PRKACB: variants seen among roughly 807,000 people sequenced by gnomAD.
PRKACB encodes protein kinase cAMP-activated catalytic subunit beta, also known as cAMP-dependent protein kinase catalytic subunit beta.
PRKACB carries 16 observed loss-of-function variants against 51.4 expected under a neutral mutation model. The ratio of observed to expected loss-of-function variants is 0.31; its 90% CI spans 0.21 to 0.47. The LOEUF is 0.47. Ranked by LOEUF, PRKACB falls within the 20% of genes least tolerant of loss-of-function variation. The probability of loss-of-function intolerance (pLI) is 1.00; values close to 1 mark genes in which losing one functional copy is unlikely to be tolerated. For missense variants in PRKACB, 309 were observed against 464.5 expected, an observed-to-expected ratio of 0.67 and a Z score of 3.08; for synonymous variants, 147 against 154.4, an observed-to-expected ratio of 0.95 and a Z score of 0.35.
At chr1:84,175,392 T>C (rs1438800870) in intron 1 of PRKACB, among the ~76,000 whole-genome samples, 1 of 151,774 alleles carries the variant, frequency 6.6e-6, no homozygotes, top group Non-Finnish European at 1.5e-5. Context: ...ATATGAATGA[T>C]ATTCTTTTAA....
chr1:84,233,443 G>A (rs1676089897), intron 9 of PRKACB, among the ~76,000 whole-genome samples: 1 of 135,232 alleles, frequency 7.4e-6, no homozygotes, highest in East Asian at 2.2e-4. Context: ...TGTATTTCCT[G>A]AATCTGAATG....
intron 1 of PRKACB, among the ~76,000 whole-genome samples, chr1:84,119,730 T>G (rs1374736611): frequency 6.6e-6 from 1 of 152,162 alleles, no homozygotes; most frequent in Admixed American, 6.6e-5. Context: ...TGTGTTTATA[T>G]GTACACACAT....
chr1:84,113,717 A>C (rs1397483510), intron 1 of PRKACB, among the ~76,000 whole-genome samples: 3 of 152,194 alleles, frequency 2.0e-5, no homozygotes, highest in African/African-American at 7.2e-5. Context: ...AACCGCAAAA[A>C]CATGCTAATG....
At chr1:84,168,838 G>A (rs1658420268) in intron 1 of PRKACB, among the ~76,000 whole-genome samples, 1 of 151,508 alleles carries the variant, frequency 6.6e-6, no homozygotes, top group South Asian at 2.1e-4. Flanking sequence ...GAATGTATTA[G>A]GCCTTTTCAA....
At chr1:84,165,371 C>T (rs1657072821) in intron 1 of PRKACB, among the ~76,000 whole-genome samples, 1 of 151,536 alleles carries the variant, frequency 6.6e-6, no homozygotes, top group Non-Finnish European at 1.5e-5. Context: ...TTTAACTTTC[C>T]TTTGATTAGC....
At chr1:84,090,800 G>T (rs1165029139) in intron 1 of PRKACB, among the ~76,000 whole-genome samples, 1 of 152,112 alleles carries the variant, frequency 6.6e-6, no homozygotes, top group African/African-American at 2.4e-5. Context: ...ACTTAAATGA[G>T]TCTGTATCAA....
In PRKACB at chr1:84,182,210, G is replaced by A. The variant is rs1249698130; in HGVS notation, c.260G>A (p.Gly87Glu). Reference sequence around the variant, plus strand: ...TGTATTTACATATAGAATAATGCCGGACTTGAAGATTTTGAAAGGAAAAAA... The same window carrying A: ...TGTATTTACATATAGAATAATGCCGAACTTGAAGATTTTGAAAGGAAAAAA... ...KWENPTQNNA[G>E]LEDFERKKTL... The change falls in exon 3 of 10, where the codon GGA becomes GAA. Residue 87 changes from glycine to glutamate, a missense_variant. Coordinates refer to ENST00000370685, the MANE Select transcript of PRKACB (RefSeq NM_182948.4). 1.9e-6 allele frequency: 3 copies of A among 1,566,768 alleles called. No individual in the cohort carries two copies. The highest frequency in any genetic ancestry group is 2.7e-5 in the African/African-American group (2 of 73,092).
rs539295065 is a variant in PRKACB at position 84,207,992 on chromosome 1, T to G, written c.906+5187T>G. 4.6e-5 allele frequency among the ~76,000 whole-genome samples: 7 copies of G among 152,214 alleles called. No homozygotes were observed. In the South Asian group the frequency reaches 6.2e-4, roughly 14 times the overall value. Reference sequence around the variant, plus strand: ...AAGTGATTCTCCTGCCTCAGCCTCCTGAGTAGCTGGGACTACAGGCATGTG... The same window carrying G: ...AAGTGATTCTCCTGCCTCAGCCTCCGGAGTAGCTGGGACTACAGGCATGTG... On this transcript the variant is annotated intron_variant, in intron 8 of 9. Transcript: ENST00000370685.
intron 1 of PRKACB, among the ~76,000 whole-genome samples, chr1:84,156,883 A>G (rs1655568715): frequency 1.3e-5 from 2 of 152,104 alleles, no homozygotes; most frequent in Non-Finnish European, 2.9e-5. Context: ...GATATACACT[A>G]TCTGATTTGC....
At chr1:84,087,722 C>A (rs2100759692) in intron 1 of PRKACB, among the ~76,000 whole-genome samples, 1 of 152,210 alleles carries the variant, frequency 6.6e-6, no homozygotes, top group East Asian at 1.9e-4. Flanking sequence ...TAGCCCCCAG[C>A]ACTTTCCAAA....
chr1:84,168,046 TC>T (rs1448595550), intron 1 of PRKACB, among the ~76,000 whole-genome samples: 2 of 151,552 alleles, frequency 1.3e-5, no homozygotes, highest in African/African-American at 2.4e-5. Context: ...TCTCTGAAAA[TC>T]AGTCAAACTA....
upstream of PRKACB, among the ~76,000 whole-genome samples, chr1:84,141,254 A>G (rs1370432003): frequency 1.3e-5 from 2 of 152,134 alleles, no homozygotes; most frequent in Non-Finnish European, 2.9e-5. Flanking sequence ...AGTGCGAATT[A>G]AAGTTGTGGA....
At chr1:84,175,196 AGTTT>A in intron 1 of PRKACB, 1 of 861,818 alleles carries the variant, frequency 1.2e-6, no homozygotes, top group Non-Finnish European at 1.6e-6. Context: ...TGAAGGAAAT[AGTTT>A]GTTTAGTTTT....
At chr1:84,228,674 G>C (rs1381509179) in intron 9 of PRKACB, among the ~76,000 whole-genome samples, 4 of 152,162 alleles carry the variant, frequency 2.6e-5, no homozygotes, top group Non-Finnish European at 5.9e-5. Flanking sequence ...AATTCTAAAA[G>C]AGTTATATTT....
At chr1:84,196,849 C>A in intron 6 of PRKACB, 107 bp downstream of exon 6, 1 of 1,223,002 alleles carries the variant, frequency 8.2e-7, no homozygotes, top group East Asian at 2.5e-5. Context: ...ACACTTTCTC[C>A]TAATAGTTTA....
intron 9 of PRKACB, among the ~76,000 whole-genome samples, chr1:84,221,790 C>A (rs1673762733): frequency 1.3e-5 from 2 of 152,026 alleles, no homozygotes; most frequent in African/African-American, 4.8e-5. Flanking sequence ...CTGAGAAAAT[C>A]TTGATATGAT....
intron 1 of PRKACB, among the ~76,000 whole-genome samples, chr1:84,121,679 C>T (rs1208481249): frequency 6.6e-6 from 1 of 152,060 alleles, no homozygotes; most frequent in African/African-American, 2.4e-5. Context: ...CTTGTGAACA[C>T]AATGCTAGAA....
chr1:84,085,879 A>G, intron 1 of PRKACB: 1 of 587,914 alleles, frequency 1.7e-6, no homozygotes, highest in Non-Finnish European at 3.1e-6. Context: ...TGTAACACCC[A>G]ACTCAGCCCA....
At chr1:84,173,365 CT>C (rs768825946) in intron 1 of PRKACB, 30 of 1,561,724 alleles carry the variant, frequency 1.9e-5, no homozygotes, top group African/African-American at 4.1e-5. Context: ...AGGAAAACCC[CT>C]TTTTTTACAG....
Sources: gnomAD v4.1 joint callset for allele counts (sites outside exome capture counted in the v4.1 genomes callset) on GRCh38, gnomAD v4.1.1 for gene constraint, MANE v1.5 for transcripts, NCBI Gene and HGNC (gene_info 2026-07-23, HGNC 2026-07-21) for gene names.